EEFSEC: variants seen among roughly 807,000 people sequenced by gnomAD.
EEFSEC encodes selenocysteine-specific elongation factor.
A neutral mutation model predicts 42.1 loss-of-function variants in EEFSEC; 43 were observed. The ratio of observed to expected loss-of-function variants is 1.02; its 90% CI spans 0.80 to 1.32. The LOEUF (loss-of-function observed/expected upper bound fraction) is 1.32, where lower values mean the gene tolerates loss of function less well. Ranked by LOEUF, EEFSEC falls within the 40% of genes most tolerant of loss-of-function variation. The probability of loss-of-function intolerance (pLI) is 0.00; values close to 1 mark genes in which losing one functional copy is unlikely to be tolerated. For synonymous variants in EEFSEC, 354 were observed against 339.1 expected, an observed-to-expected ratio of 1.04 and a Z score of -0.48; for missense variants, 745 against 803.6, an observed-to-expected ratio of 0.93 and a Z score of 0.88.
chr3:128,373,983 G>C (rs2067682512), intron 6 of EEFSEC, among the ~76,000 whole-genome samples: 1 of 152,192 alleles, frequency 6.6e-6, no homozygotes, highest in African/African-American at 2.4e-5. Flanking sequence ...CTCATGGTCG[G>C]GAGTGAGAGT....
intron 4 of EEFSEC, among the ~76,000 whole-genome samples, chr3:128,269,996 G>T (rs1441930648): frequency 6.6e-6 from 1 of 152,208 alleles, no homozygotes; most frequent in African/African-American, 2.4e-5. Context: ...CTCAAGGCAG[G>T]CATGTACCAG....
chr3:128,153,882 C>G (rs1296948037), intron 1 of EEFSEC, 59 bp downstream of exon 1: 9 of 1,440,284 alleles, frequency 6.2e-6, no homozygotes, highest in Non-Finnish European at 7.2e-6. Flanking sequence ...GACCGGGCCC[C>G]GTGTCCGAAT....
At chr3:128,348,272 G>GTGTGTA (rs2067339448) in intron 5 of EEFSEC, among the ~76,000 whole-genome samples, 1 of 70,854 alleles carries the variant, frequency 1.4e-5, no homozygotes, top group African/African-American at 1.2e-4. Flanking sequence ...GTGTGTGTGC[G>GTGTGTA]TGTGCGTGTG....
At chr3:128,331,849 T>C (rs2067137250) in intron 4 of EEFSEC, among the ~76,000 whole-genome samples, 1 of 152,166 alleles carries the variant, frequency 6.6e-6, no homozygotes, top group South Asian at 2.1e-4. Context: ...GTACTGCTGG[T>C]GGAAGCGTAA....
At position 128,317,052 on chromosome 3, in the gene EEFSEC, A is replaced by G. The variant is rs1389948284; in HGVS notation, c.787-24181A>G. Among the ~76,000 whole-genome samples the G allele has an allele frequency of 6.6e-6, 1 of 152,226 alleles. No individual in the cohort carries two copies. On this transcript the variant is annotated intron_variant, in intron 4 of 6. Coordinates refer to ENST00000254730, the MANE Select transcript of EEFSEC (RefSeq NM_021937.5). This position sits in a 1 kb window ranked among gnomAD's most constrained non-coding sequence, Gnocchi z 4.1. Reference sequence around the variant, plus strand: ...ATAAGTTGCTCTCTTTTGATGTGCAAGAGCACATCTGGGGTCTTAAAGAAA... The same window carrying G: ...ATAAGTTGCTCTCTTTTGATGTGCAGGAGCACATCTGGGGTCTTAAAGAAA...
intron 2 of EEFSEC, among the ~76,000 whole-genome samples, chr3:128,256,059 T>C (rs2066238959): frequency 6.6e-6 from 1 of 152,134 alleles, no homozygotes; most frequent in African/African-American, 2.4e-5. Context: ...GTGCACCACA[T>C]GTCACACAAG....
At chr3:128,360,252 G>A (rs1237431591) in intron 6 of EEFSEC, among the ~76,000 whole-genome samples, 2 of 152,230 alleles carry the variant, frequency 1.3e-5, no homozygotes, top group Admixed American at 6.5e-5. Flanking sequence ...CTCAGAGACT[G>A]GAGCCCACAG....
chr3:128,222,030 T>G (rs6775551), intron 1 of EEFSEC, among the ~76,000 whole-genome samples: 70,490 of 107,974 alleles, frequency 0.65, 23,117 homozygotes, highest in Non-Finnish European at 0.7. Context: ...TCAAAGTTTT[T>G]TTTTTTTTTT....
intron 2 of EEFSEC, among the ~76,000 whole-genome samples, chr3:128,253,862 A>C (rs943339525): frequency 6.6e-6 from 1 of 152,222 alleles, no homozygotes; most frequent in African/African-American, 2.4e-5. Context: ...AACTGAAATC[A>C]TCGTGTCACA....
chr3:128,300,748 G>A (rs2066758108), intron 4 of EEFSEC, among the ~76,000 whole-genome samples: 2 of 152,084 alleles, frequency 1.3e-5, no homozygotes, highest in Admixed American at 6.5e-5. Context: ...TAATCCTAAT[G>A]CAATATGAAA....
chr3:128,250,547 A>G (rs543123278), intron 2 of EEFSEC, among the ~76,000 whole-genome samples: 11 of 152,128 alleles, frequency 7.2e-5, no homozygotes, highest in Non-Finnish European at 1.3e-4. Context: ...TCGATTGACC[A>G]TATATGTGTG....
chr3:128,172,265 C>T (rs2065306499), intron 1 of EEFSEC, among the ~76,000 whole-genome samples: 1 of 152,162 alleles, frequency 6.6e-6, no homozygotes, highest in African/African-American at 2.4e-5. Flanking sequence ...GGTAGCAAGG[C>T]CCAGCACATT....
intron 1 of EEFSEC, among the ~76,000 whole-genome samples, chr3:128,195,673 G>A (rs551981638): frequency 3.9e-5 from 6 of 152,290 alleles, no homozygotes; most frequent in African/African-American, 1.2e-4. Context: ...TATTGCATAA[G>A]TGTTTCCCTC....
chr3:128,408,385 C>G lies in EEFSEC; in HGVS notation c.*126C>G. On this transcript the variant is annotated 3_prime_UTR_variant, in exon 7 of 7. Transcript: ENST00000254730. ...GCAGTCCTGCAGCAGCAGCCCCCAC[C>G]CCCAAGCTTGGTGCTGAGCCCTGGT... The G allele has an allele frequency of 9.2e-7, 1 of 1,087,940 alleles. No homozygotes were observed. 67.4% of individuals were successfully genotyped at this position (1,087,940 alleles called of 1,614,324 possible).
intron 1 of EEFSEC, among the ~76,000 whole-genome samples, chr3:128,234,240 A>T (rs1408652198): frequency 6.6e-6 from 1 of 151,950 alleles, no homozygotes; most frequent in Non-Finnish European, 1.5e-5. Context: ...TTTAGTAGAG[A>T]TGGCATTTCA....
At chr3:128,361,428 G>C (rs139251159) in intron 6 of EEFSEC, among the ~76,000 whole-genome samples, 1 of 152,246 alleles carries the variant, frequency 6.6e-6, no homozygotes, top group Middle Eastern at 3.4e-3. Context: ...AACTACAACT[G>C]TCTGTGCTAA....
At chr3:128,177,688 C>T (rs574425358) in intron 1 of EEFSEC, among the ~76,000 whole-genome samples, 9 of 152,226 alleles carry the variant, frequency 5.9e-5, no homozygotes, top group African/African-American at 1.7e-4. Context: ...AATCTCCCCC[C>T]GTTCATTCTT....
chr3:128,267,389 CTGTT>C (rs1192767903), intron 4 of EEFSEC, among the ~76,000 whole-genome samples: 1 of 152,154 alleles, frequency 6.6e-6, no homozygotes, highest in African/African-American at 2.4e-5. Flanking sequence ...TTTTGTGCAC[CTGTT>C]TTTCCCCAGC....
chr3:128,318,584 T>C (rs1576633267), intron 4 of EEFSEC, among the ~76,000 whole-genome samples: 1 of 152,204 alleles, frequency 6.6e-6, no homozygotes, highest in African/African-American at 2.4e-5. Context: ...GGCCCCTCCC[T>C]AACCTCTCCA....
Sources: gnomAD v4.1 joint callset for allele counts (sites outside exome capture counted in the v4.1 genomes callset) on GRCh38, gnomAD v4.1.1 for gene constraint, Gnocchi (gnomAD v3.1) non-coding constraint, MANE v1.5 for transcripts, NCBI Gene and HGNC (gene_info 2026-07-23, HGNC 2026-07-21) for gene names.